Variants in MIR2052HG observed in about 807,000 individuals in gnomAD.
MIR2052HG encodes the protein MIR2052 host gene.
In MIR2052HG at chr8:74,610,285, T is replaced by C. The variant is rs143044398; in HGVS notation, n.129-2568T>C. Among the ~76,000 whole-genome samples the C allele has an allele frequency of 4.7e-3, 708 of 152,054 alleles. 5 individuals are homozygous for C. Among genetic ancestry groups the C allele is most frequent in the African/African-American group, 0.016 (676 of 41,554 alleles). On this transcript the variant is annotated intron_variant and non_coding_transcript_variant, in intron 1 of 6. Coordinates refer to ENST00000523442, the Ensembl canonical transcript of MIR2052HG. ...AATTCAATATCATATACAATAGTGTTCTTACTTATGAAATAGAGAATAATC... is the reference window on the plus strand; with the variant it reads ...AATTCAATATCATATACAATAGTGTCCTTACTTATGAAATAGAGAATAATC...
intron 4 of MIR2052HG, among the ~76,000 whole-genome samples, chr8:74,720,229 T>C (rs1322281966): frequency 6.6e-6 from 1 of 152,170 alleles, no homozygotes; most frequent in Non-Finnish European, 1.5e-5. Context: ...CCCTATGATG[T>C]TTCAAATTAC....
At chr8:74,752,772 A>T (rs1264783625) in intron 5 of MIR2052HG, among the ~76,000 whole-genome samples, 3 of 152,196 alleles carry the variant, frequency 2.0e-5, no homozygotes, top group Non-Finnish European at 4.4e-5. Context: ...TCAATGATTA[A>T]TTTTTCCCTT....
At chr8:74,634,969 A>C (rs1808563481) in intron 2 of MIR2052HG, among the ~76,000 whole-genome samples, 1 of 152,188 alleles carries the variant, frequency 6.6e-6, no homozygotes, top group African/African-American at 2.4e-5. Context: ...AAAGAAGGAA[A>C]ATGTATATTC....
At chr8:74,747,667 G>T (rs1031774138) in intron 4 of MIR2052HG, among the ~76,000 whole-genome samples, 4 of 152,088 alleles carry the variant, frequency 2.6e-5, no homozygotes, top group African/African-American at 9.7e-5. Flanking sequence ...TGACATTCTT[G>T]GTTAAGAACC....
intron 2 of MIR2052HG, among the ~76,000 whole-genome samples, chr8:74,639,191 C>G (rs1808613190): frequency 6.6e-6 from 1 of 152,158 alleles, no homozygotes; most frequent in Admixed American, 6.6e-5. Context: ...TGTTAAAACT[C>G]TTTCTTTCTC....
intron 4 of MIR2052HG, among the ~76,000 whole-genome samples, chr8:74,714,163 G>A (rs1809497798): frequency 6.6e-6 from 1 of 152,170 alleles, no homozygotes; most frequent in South Asian, 2.1e-4. Flanking sequence ...CTACTAGGAT[G>A]AGTCTTTGAC....
chr8:74,706,685 A>C (rs993298280), intron 4 of MIR2052HG, among the ~76,000 whole-genome samples: 1 of 152,144 alleles, frequency 6.6e-6, no homozygotes, highest in Non-Finnish European at 1.5e-5. Flanking sequence ...CTTCTTAAAG[A>C]TGTGCAGACA....
intron 2 of MIR2052HG, among the ~76,000 whole-genome samples, chr8:74,677,085 A>G (rs1809061129): frequency 6.6e-6 from 1 of 152,068 alleles, no homozygotes; most frequent in African/African-American, 2.4e-5. Flanking sequence ...TTAAAGTTAA[A>G]AGCATCAGTA....
intron 2 of MIR2052HG, among the ~76,000 whole-genome samples, chr8:74,698,681 T>C (rs1032804437): frequency 1.3e-5 from 2 of 151,858 alleles, no homozygotes; most frequent in Non-Finnish European, 2.9e-5. Flanking sequence ...AACAATCCCA[T>C]GAAAAGGTGG....
chr8:74,673,775 G>A (rs1809018295), intron 2 of MIR2052HG, among the ~76,000 whole-genome samples: 1 of 151,174 alleles, frequency 6.6e-6, no homozygotes, highest in South Asian at 2.1e-4. Flanking sequence ...AGAGTGTCTA[G>A]TTCTTTATCT....
chr8:74,732,691 G>T (rs183538438), intron 4 of MIR2052HG, among the ~76,000 whole-genome samples: 121 of 152,324 alleles, frequency 7.9e-4, no homozygotes, highest in Middle Eastern at 3.4e-3. Context: ...CTGAGTAGAT[G>T]AAGTTTATGT....
chr8:74,644,341 C>T (rs952832248), intron 2 of MIR2052HG, among the ~76,000 whole-genome samples: 1 of 152,186 alleles, frequency 6.6e-6, no homozygotes, highest in Non-Finnish European at 1.5e-5. Flanking sequence ...ATACTTACCA[C>T]TGTGTTACAA....
chr8:74,708,199 G>A (rs943561077), intron 4 of MIR2052HG, among the ~76,000 whole-genome samples: 1 of 152,130 alleles, frequency 6.6e-6, no homozygotes, highest in Non-Finnish European at 1.5e-5. Context: ...CCCACTCACA[G>A]GATCTTAATA....
At chr8:74,607,101 A>T (rs1808122751) in intron 1 of MIR2052HG, among the ~76,000 whole-genome samples, 1 of 151,634 alleles carries the variant, frequency 6.6e-6, no homozygotes, top group Non-Finnish European at 1.5e-5. Context: ...AAATATAATG[A>T]CCCACACAGA....
chr8:74,716,814 C>T (rs1563538593), intron 4 of MIR2052HG, among the ~76,000 whole-genome samples: 1 of 151,920 alleles, frequency 6.6e-6, no homozygotes, highest in African/African-American at 2.4e-5. Context: ...TGCATGCATG[C>T]CTTATCTTGT....
intron 2 of MIR2052HG, among the ~76,000 whole-genome samples, chr8:74,667,880 A>C (rs1808948400): frequency 6.6e-6 from 1 of 152,156 alleles, no homozygotes; most frequent in African/African-American, 2.4e-5. Context: ...TAAGGGTTCC[A>C]CATAAAGCTG....
intron 1 of MIR2052HG, chr8:74,612,395 TTCTA>T (rs1334851929): frequency 6.2e-6 from 1 of 160,004 alleles, no homozygotes; most frequent in East Asian, 1.8e-4. Flanking sequence ...GCTCCACCAT[TTCTA>T]TCTAAGCTCA....
At chr8:74,705,017 A>G (rs1381849690) in intron 4 of MIR2052HG, among the ~76,000 whole-genome samples, 3 of 151,910 alleles carry the variant, frequency 2.0e-5, no homozygotes, top group South Asian at 4.1e-4. Context: ...ATGGTATAGC[A>G]GCTCAGCTGA....
At chr8:74,630,516 A>G (rs1440684671) in intron 2 of MIR2052HG, among the ~76,000 whole-genome samples, 1 of 143,724 alleles carries the variant, frequency 7.0e-6, no homozygotes, top group African/African-American at 2.7e-5. Context: ...AAAAGTGCAA[A>G]AAGATTTCTC....
Sources: allele counts gnomAD v4.1 joint callset (sites outside exome capture counted in the v4.1 genomes callset), GRCh38; gene constraint gnomAD v4.1.1; transcripts MANE v1.5; gene names NCBI Gene and HGNC (gene_info 2026-07-23, HGNC 2026-07-21).